Variants in WDTC1 observed in about 807,000 individuals in gnomAD.
The protein encoded by WDTC1 is WD and tetratricopeptide repeats protein 1.
A neutral mutation model predicts 76.0 loss-of-function variants in WDTC1; 12 were observed. The observed-to-expected ratio is 0.16, with a 90% CI of 0.10 to 0.26. The LOEUF (loss-of-function observed/expected upper bound fraction) is 0.26, where lower values mean the gene tolerates loss of function less well. Among genes scored for constraint, WDTC1 ranks in the 10% least tolerant of loss-of-function variants. WDTC1 has a pLI of 1.00. For synonymous variants in WDTC1, 326 were observed against 350.8 expected (o/e 0.93, Z 0.79); for missense variants, 511 against 908.8 (o/e 0.56, Z 5.63).
intron 3 of WDTC1, among the ~76,000 whole-genome samples, chr1:27,263,708 C>T (rs1367350838): frequency 6.6e-6 from 1 of 152,080 alleles, no homozygotes; most frequent in Non-Finnish European, 1.5e-5. Flanking sequence ...GGATTACAGG[C>T]GTGAGCCACC....
At position 27,292,817 on chromosome 1, in the gene WDTC1, A is replaced by G. The variant is rs535839053; in HGVS notation, c.662+420A>G. Among the ~76,000 whole-genome samples, 6 of 133,014 alleles carry G rather than the reference A, an allele frequency of 4.5e-5. No homozygotes were observed. In the South Asian group the frequency reaches 1.2e-3, roughly 26 times the overall value. 87.3% of individuals were successfully genotyped at this position (133,014 alleles called of 152,430 possible). A position where few individuals can be genotyped will look rare whatever the true frequency, so the allele number is the denominator to read the frequency against. On this transcript the variant is annotated intron_variant, in intron 7 of 15. Coordinates refer to ENST00000319394, the MANE Select transcript of WDTC1 (RefSeq NM_001276252.2). The stretch of plus-strand genomic sequence containing the variant: ...TGCTCTGTCACCCGTGTTGGAGCGC[A>G]GTGGCACAATCTCAGCTCACTGCAA...
intron 1 of WDTC1, among the ~76,000 whole-genome samples, chr1:27,254,157 T>C (rs2012195025): frequency 1.3e-5 from 2 of 152,222 alleles, no homozygotes; most frequent in African/African-American, 2.4e-5. Context: ...ATAAAGTGTT[T>C]CTAGTTAGTT....
At chr1:27,287,563 ATTCTCTTATCT>A (rs2013376557) in intron 5 of WDTC1, 100 bp from the exon 6 acceptor site, 4 of 1,269,188 alleles carry the variant, frequency 3.2e-6, no homozygotes, top group Admixed American at 4.6e-5. Flanking sequence ...GCATGGGCTC[ATTCTCTTATCT>A]GACATGGAGA....
At chr1:27,294,209 G>C (rs910442197) in intron 8 of WDTC1, 93 bp downstream of exon 8, 1 of 1,357,508 alleles carries the variant, frequency 7.4e-7, no homozygotes, top group Admixed American at 2.1e-5. Context: ...TGGTGGTCAA[G>C]AGCAAGGGTT....
chr1:27,294,045 C>T lies in WDTC1; in HGVS notation c.686C>T (p.Ser229Leu). 1 of 1,614,140 alleles carries T rather than the reference C, an allele frequency of 6.2e-7. No homozygotes were observed. The highest frequency in any genetic ancestry group is 8.5e-7 in the Non-Finnish European group (1 of 1,180,008). ...AGAAAGAGCATGAAGCAGAGCCCTTCAGCGGGTGTGCACACCTTCTGTGAC... is the reference window on the plus strand; with the variant it reads ...AGAAAGAGCATGAAGCAGAGCCCTTTAGCGGGTGTGCACACCTTCTGTGAC... ...NHRKSMKQSPSAGVHTFCDRQ... is the reference protein window; with the variant it reads ...NHRKSMKQSPLAGVHTFCDRQ... The change falls in exon 8 of 16, where the codon TCA (serine) becomes TTA (leucine). Residue 229 changes from serine to leucine, a missense_variant. Physicochemically the swap from Ser to Leu is moderately radical, Grantham distance 145. Coordinates refer to ENST00000319394, the MANE Select transcript of WDTC1 (RefSeq NM_001276252.2).
At chr1:27,263,610 A>AT in intron 3 of WDTC1, among the ~76,000 whole-genome samples, 1 of 151,792 alleles carries the variant, frequency 6.6e-6, no homozygotes, top group South Asian at 2.1e-4. Flanking sequence ...ATTTTTTTGT[A>AT]TTTTTAGTAG....
chr1:27,302,293 GA>G (rs2013851585), intron 13 of WDTC1, among the ~76,000 whole-genome samples: 1 of 151,692 alleles, frequency 6.6e-6, no homozygotes, highest in Non-Finnish European at 1.5e-5. Flanking sequence ...TGATAAAGGA[GA>G]AACAAAAAAG....
intron 1 of WDTC1, among the ~76,000 whole-genome samples, chr1:27,251,764 T>G (rs942399927): frequency 6.6e-6 from 1 of 151,104 alleles, no homozygotes; most frequent in African/African-American, 2.4e-5. Flanking sequence ...GAGTTCAAGG[T>G]TATAGTATGC....
intron 1 of WDTC1, among the ~76,000 whole-genome samples, chr1:27,259,878 A>G (rs1043056300): frequency 6.6e-6 from 1 of 151,632 alleles, no homozygotes; most frequent in African/African-American, 2.4e-5. Flanking sequence ...AAAAGAGAGA[A>G]AAGAAAAAAT....
chr1:27,252,488 C>T (rs937987946), intron 1 of WDTC1, among the ~76,000 whole-genome samples: 2 of 152,170 alleles, frequency 1.3e-5, no homozygotes, highest in Non-Finnish European at 1.5e-5. Context: ...ATATTGTTAA[C>T]TGTGCTCTCT....
intron 3 of WDTC1, among the ~76,000 whole-genome samples, chr1:27,268,488 G>A (rs1303920560): frequency 6.6e-6 from 1 of 151,806 alleles, no homozygotes; most frequent in Non-Finnish European, 1.5e-5. Context: ...GCGTGATCTT[G>A]GCTCACTGCA....
intron 1 of WDTC1, among the ~76,000 whole-genome samples, chr1:27,248,638 T>C (rs1412185199): frequency 6.6e-6 from 1 of 152,206 alleles, no homozygotes; most frequent in African/African-American, 2.4e-5. Context: ...TTTCATCTTA[T>C]GTGAATTTCA....
chr1:27,283,478 C>T, intron 5 of WDTC1, 29 bp downstream of exon 5: 1 of 1,601,394 alleles, frequency 6.2e-7, no homozygotes. Context: ...AGAGCAAGCA[C>T]AAGCCACAGA....
chr1:27,288,990 C>A (rs1279126980), intron 6 of WDTC1, among the ~76,000 whole-genome samples: 2 of 146,130 alleles, frequency 1.4e-5, no homozygotes, highest in South Asian at 2.2e-4. Context: ...CTGACCCCCC[C>A]CCCACCTCCC....
At chr1:27,289,481 G>T (rs1570977523) in intron 6 of WDTC1, among the ~76,000 whole-genome samples, 1 of 151,542 alleles carries the variant, frequency 6.6e-6, no homozygotes. Context: ...GCCGGGCAGA[G>T]ACGCTCCTCA....
chr1:27,296,220 C>T (rs1371257332), intron 9 of WDTC1, 106 bp from the exon 10 acceptor site: 32 of 1,303,174 alleles, frequency 2.5e-5, no homozygotes, highest in South Asian at 1.1e-4. Flanking sequence ...TCAACACTCA[C>T]TGTGTTCCAA....
chr1:27,250,099 AG>A (rs1342124148), intron 1 of WDTC1, among the ~76,000 whole-genome samples: 2 of 152,204 alleles, frequency 1.3e-5, no homozygotes. Flanking sequence ...CAAATATAAC[AG>A]GGGTTACCAG....
chr1:27,296,151 G>A (rs1179782384), intron 9 of WDTC1, among the ~76,000 whole-genome samples, 175 bp from the exon 10 acceptor site: 6 of 152,184 alleles, frequency 3.9e-5, no homozygotes, highest in Admixed American at 3.3e-4. Context: ...GAGCTAGGAA[G>A]ATTTTCCAGC....
chr1:27,306,159 C>T lies in WDTC1; in HGVS notation c.1837-27C>T, dbSNP rs534674234. 3.1e-6 allele frequency: 5 copies of T among 1,613,646 alleles called. No individual in the cohort carries two copies. Among genetic ancestry groups the T allele is most frequent in the Admixed American group, 1.7e-5 (1 of 59,994 alleles). ...GGTGCCTCTCCCTCCCTGAGCCCCA[C>T]GTGTGTCACCCCTTTCTCCACCACA... is the stretch of plus-strand genomic sequence containing the variant. On this transcript the variant is annotated intron_variant, in intron 15 of 15. Coordinates refer to ENST00000319394, the MANE Select transcript of WDTC1 (RefSeq NM_001276252.2). This position sits in a 1 kb window ranked among gnomAD's most constrained non-coding sequence, Gnocchi z 5.0.
Sources: gnomAD v4.1 joint callset for allele counts (sites outside exome capture counted in the v4.1 genomes callset) on GRCh38, gnomAD v4.1.1 for gene constraint, Gnocchi (gnomAD v3.1) non-coding constraint, MANE v1.5 for transcripts, NCBI Gene and HGNC (gene_info 2026-07-23, HGNC 2026-07-21) for gene names.